Variants in NELL1 observed in about 807,000 individuals in gnomAD.
The protein encoded by NELL1 is neural EGFL like 1.
In NELL1, 76 loss-of-function variants were observed where a neutral mutation model predicts 107.4. That is an observed-to-expected ratio of 0.71 (90% CI 0.59 to 0.86). NELL1 has a LOEUF of 0.86. Ranked by LOEUF, NELL1 falls within the 40% of genes least tolerant of loss-of-function variation. The pLI, the probability that NELL1 is intolerant of heterozygous loss-of-function variation, is 0.00. For missense variants in NELL1, 1,024 were observed against 1,005.5 expected (o/e 1.02, Z -0.25); for synonymous variants, 353 against 341.2 (o/e 1.03, Z -0.38).
At chr11:20,763,847 C>T (rs1856475036) in intron 2 of NELL1, among the ~76,000 whole-genome samples, 1 of 152,044 alleles carries the variant, frequency 6.6e-6, no homozygotes, top group African/African-American at 2.4e-5. Context: ...TGTGTGGGGC[C>T]TGGGTGAGTG....
intron 5 of NELL1, among the ~76,000 whole-genome samples, chr11:20,893,493 G>A (rs184096442): frequency 4.3e-4 from 65 of 151,812 alleles, no homozygotes; most frequent in African/African-American, 1.4e-3. Flanking sequence ...AGTGTTCTAA[G>A]TGGTCAGAAA....
At chr11:20,930,956 T>C (rs753300413) in intron 9 of NELL1, among the ~76,000 whole-genome samples, 21 of 152,134 alleles carry the variant, frequency 1.4e-4, no homozygotes, top group Non-Finnish European at 8.8e-5. Flanking sequence ...CTAGACAAAC[T>C]TAAAAAGAAA....
At chr11:20,968,347 T>G (rs1013149539) in intron 12 of NELL1, among the ~76,000 whole-genome samples, 7 of 135,352 alleles carry the variant, frequency 5.2e-5, no homozygotes, top group African/African-American at 2.2e-4. Flanking sequence ...AACATTTGCT[T>G]AAAGAAAGAA....
At chr11:20,864,065 C>T (rs193176727) in intron 4 of NELL1, among the ~76,000 whole-genome samples, 2,186 of 152,000 alleles carry the variant, frequency 0.014, 27 homozygotes, top group Non-Finnish European at 0.023. Flanking sequence ...GCAGCACAGC[C>T]CAGCCTCGGC....
intron 14 of NELL1, among the ~76,000 whole-genome samples, chr11:21,238,311 A>T (rs2133894687): frequency 6.6e-6 from 1 of 152,150 alleles, no homozygotes; most frequent in Admixed American, 6.6e-5. Context: ...ACCCATGATC[A>T]TCTCTCCATG....
intron 13 of NELL1, among the ~76,000 whole-genome samples, chr11:21,215,499 T>C (rs1031202129): frequency 6.6e-6 from 1 of 152,106 alleles, no homozygotes; most frequent in Non-Finnish European, 1.5e-5. Flanking sequence ...TTGGAACAGT[T>C]TAGAGGGCTT....
At chr11:21,179,316 A>T (rs1419270894) in intron 13 of NELL1, among the ~76,000 whole-genome samples, 1 of 151,976 alleles carries the variant, frequency 6.6e-6, no homozygotes, top group Non-Finnish European at 1.5e-5. Context: ...TTTGAAACAC[A>T]ATGAGAGAGT....
rs1183943012 is a variant in NELL1 at position 21,320,709 on chromosome 11, T to C, written c.1550-50144T>C. ...AGCCCCCACATTTGGTTCCATTTGG[T>C]CTCATTGCCAGCTAGACATCAGCTC... On this transcript the variant is annotated intron_variant, in intron 14 of 19. Transcript: ENST00000357134. Among the ~76,000 whole-genome samples, 4 of 152,150 alleles carry C rather than the reference T, an allele frequency of 2.6e-5. 1 individual carries two copies. Among genetic ancestry groups the C allele is most frequent in the Non-Finnish European group, 4.4e-5 (3 of 68,022 alleles).
intron 15 of NELL1, among the ~76,000 whole-genome samples, chr11:21,509,951 C>A (rs1855391739): frequency 6.6e-6 from 1 of 152,108 alleles, no homozygotes; most frequent in Admixed American, 6.5e-5. Flanking sequence ...CCAACTATTA[C>A]CATTTATATT....
chr11:20,915,717 A>ATATATATATATATATATATTTTTTT lies in NELL1; in HGVS notation c.604-2464_604-2463insATATATATATATATATATTTTTTTT. On this transcript the variant is annotated intron_variant, in intron 5 of 19. Transcript: ENST00000357134. ...TCATAGATGATATATATATATATAT[A>ATATATATATATATATATATTTTTTT]TTTTTTTTTTTTTTTTTTGAGAGGA... 8.6e-4 allele frequency among the ~76,000 whole-genome samples: 50 copies of ATATATATATATATATATATTTTTTT among 58,202 alleles called. 1 individual carries two copies. Among genetic ancestry groups the ATATATATATATATATATATTTTTTT allele is most frequent in the African/African-American group, 1.5e-3 (17 of 11,314 alleles). The allele number at this position is 58,202 out of a possible 152,430, so 38.2% of individuals were successfully genotyped here.
chr11:21,154,993 G>T (rs140104355), intron 13 of NELL1, among the ~76,000 whole-genome samples: 2 of 152,128 alleles, frequency 1.3e-5, no homozygotes, highest in African/African-American at 2.4e-5. Flanking sequence ...GAGGTTAGGC[G>T]CAGAAAACTC....
chr11:21,474,542 A>G (rs901845489), intron 15 of NELL1, among the ~76,000 whole-genome samples: 1 of 152,256 alleles, frequency 6.6e-6, no homozygotes, highest in Admixed American at 6.6e-5. Context: ...AGCATATTAT[A>G]TTCAAGAGAG....
intron 15 of NELL1, among the ~76,000 whole-genome samples, chr11:21,375,217 C>CTA (rs1323511382): frequency 6.6e-6 from 1 of 151,980 alleles, no homozygotes; most frequent in Non-Finnish European, 1.5e-5. Flanking sequence ...CTTTCCCACT[C>CTA]TAGTCGTTCC....
At chr11:21,208,194 C>A (rs968852797) in intron 13 of NELL1, among the ~76,000 whole-genome samples, 4 of 151,942 alleles carry the variant, frequency 2.6e-5, no homozygotes, top group Non-Finnish European at 5.9e-5. Flanking sequence ...CCTACATCTA[C>A]CCTTTTATTT....
Position 20,905,609 on chromosome 11 carries a change from A to G in NELL1, c.604-12573A>G, listed in dbSNP as rs1041746921. ...TAAATTATAAAAAGGAACCAAACAG[A>G]TACTCTGCAGCTGAGAAGTACAACT... On this transcript the variant is annotated intron_variant, in intron 5 of 19. Coordinates refer to ENST00000357134, the MANE Select transcript of NELL1 (RefSeq NM_006157.5). Among the ~76,000 whole-genome samples, 55 of 152,268 alleles carry G rather than the reference A, an allele frequency of 3.6e-4. 1 individual carries two copies. The highest frequency in any genetic ancestry group is 3.1e-3 in the Admixed American group (48 of 15,282).
chr11:21,489,408 A>AAAAAAAAAAAAAC, intron 15 of NELL1, among the ~76,000 whole-genome samples: 1 of 130,472 alleles, frequency 7.7e-6, no homozygotes, highest in Non-Finnish European at 1.6e-5. Context: ...AAAAAAAAAA[A>AAAAAAAAAAAAAC]CAGAAGAAAA....
chr11:21,180,618 G>C (rs1322170057), intron 13 of NELL1, among the ~76,000 whole-genome samples: 1 of 151,566 alleles, frequency 6.6e-6, no homozygotes, highest in Non-Finnish European at 1.5e-5. Context: ...GGAGATTTTT[G>C]TTCTTCCTTT....
chr11:21,336,529 C>T (rs1388452214), intron 14 of NELL1, among the ~76,000 whole-genome samples: 1 of 151,792 alleles, frequency 6.6e-6, no homozygotes, highest in East Asian at 1.9e-4. Flanking sequence ...AAAGAAGGAC[C>T]AAACAGTGGA....
At chr11:20,774,959 A>G (rs183658981) in intron 2 of NELL1, among the ~76,000 whole-genome samples, 3 of 152,306 alleles carry the variant, frequency 2.0e-5, no homozygotes, top group Admixed American at 6.5e-5. Context: ...AAAAAAGAAA[A>G]AAAAACCCTG....
Sources: gnomAD v4.1 joint callset for allele counts (sites outside exome capture counted in the v4.1 genomes callset) on GRCh38, gnomAD v4.1.1 for gene constraint, MANE v1.5 for transcripts, NCBI Gene and HGNC (gene_info 2026-07-23, HGNC 2026-07-21) for gene names.